RTN4IP1: variants seen among roughly 807,000 people sequenced by gnomAD.
The protein encoded by RTN4IP1 is NAD(P)H oxidoreductase RTN4IP1, mitochondrial.
In RTN4IP1, 32 loss-of-function variants were observed where a neutral mutation model predicts 46.6. The observed-to-expected ratio is 0.69, with a 90% CI of 0.52 to 0.92. The LOEUF is 0.92. RTN4IP1 is among the 40% of genes least tolerant of loss of function. The pLI, the probability that RTN4IP1 is intolerant of heterozygous loss-of-function variation, is 0.00. For synonymous variants in RTN4IP1, 167 were observed against 161.8 expected (o/e 1.03, Z -0.24); for missense variants, 424 against 485.8 (o/e 0.87, Z 1.20).
At chr6:106,597,383 T>C (rs1775822211) in intron 5 of RTN4IP1, among the ~76,000 whole-genome samples, 1 of 152,322 alleles carries the variant, frequency 6.6e-6, no homozygotes, top group Admixed American at 6.5e-5. Context: ...GGTCTCACTC[T>C]GTCCAGGCTG....
At position 106,582,787 on chromosome 6, in the gene RTN4IP1, T is replaced by C. The variant is rs1013096480; in HGVS notation, c.1083+541A>G. The stretch of plus-strand genomic sequence containing the variant: ...CATCCAAAAAACGATGACCAGATGA[T>C]AAGCAACAGCCCCTTTCCCACAGAG... On this transcript the variant is annotated intron_variant, in intron 8 of 8. Transcript: ENST00000369063. Among the ~76,000 whole-genome samples, 3 of 152,076 alleles carry C rather than the reference T, an allele frequency of 2.0e-5. No homozygotes were observed. The South Asian group carries it at 6.2e-4, about 32-fold the overall frequency.
intron 8 of RTN4IP1, among the ~76,000 whole-genome samples, chr6:106,576,216 G>A (rs1487203257): frequency 6.6e-6 from 1 of 152,180 alleles, no homozygotes; most frequent in Admixed American, 6.5e-5. Context: ...TGCCCCAGAT[G>A]GCAAACTCAA....
chr6:106,586,031 TAAAG>T (rs1447597465), intron 7 of RTN4IP1, among the ~76,000 whole-genome samples: 1 of 152,112 alleles, frequency 6.6e-6, no homozygotes, highest in Non-Finnish European at 1.5e-5. Flanking sequence ...CAAATGAAAA[TAAAG>T]AACACCACAG....
intron 7 of RTN4IP1, among the ~76,000 whole-genome samples, chr6:106,585,728 T>A (rs922724837): frequency 6.6e-6 from 1 of 152,120 alleles, no homozygotes; most frequent in Non-Finnish European, 1.5e-5. Flanking sequence ...CAGAAAGACA[T>A]TGAAAACTAC....
chr6:106,626,327 G>A (rs1050961324), intron 1 of RTN4IP1, among the ~76,000 whole-genome samples: 6 of 151,894 alleles, frequency 4.0e-5, no homozygotes, highest in Non-Finnish European at 8.8e-5. Flanking sequence ...CATCTGGGGA[G>A]TCAGGATTAT....
chr6:106,597,045 G>A (rs909445560), intron 5 of RTN4IP1, among the ~76,000 whole-genome samples: 2 of 151,992 alleles, frequency 1.3e-5, no homozygotes, highest in African/African-American at 2.4e-5. Context: ...GATTTCCAAA[G>A]GATCTTATTT....
At chr6:106,606,981 C>T (rs925370341) in intron 4 of RTN4IP1, among the ~76,000 whole-genome samples, 3 of 152,106 alleles carry the variant, frequency 2.0e-5, no homozygotes, top group African/African-American at 7.2e-5. Flanking sequence ...GGAGGCATCA[C>T]CCTACCTGAC....
chr6:106,624,966 A>C (rs1776600465), intron 1 of RTN4IP1, among the ~76,000 whole-genome samples: 1 of 151,572 alleles, frequency 6.6e-6, no homozygotes, highest in South Asian at 2.1e-4. Flanking sequence ...AAGAAAAAGA[A>C]AAAGAAAAAG....
intron 4 of RTN4IP1, among the ~76,000 whole-genome samples, chr6:106,612,680 A>C (rs11153016): frequency 2.9e-4 from 1 of 3,458 alleles, no homozygotes; most frequent in Non-Finnish European, 3.6e-3. Flanking sequence ...GACTCATTCC[A>C]ATCACCTGCT....
chr6:106,574,166 C>T (rs1775159865), intron 8 of RTN4IP1, among the ~76,000 whole-genome samples: 1 of 152,150 alleles, frequency 6.6e-6, no homozygotes, highest in Non-Finnish European at 1.5e-5. Context: ...GTTTCTCGGC[C>T]CAGTGCAGTG....
At chr6:106,596,667 A>C (rs9689006) in intron 5 of RTN4IP1, among the ~76,000 whole-genome samples, 21,862 of 152,108 alleles carry the variant, frequency 0.14, 1,817 homozygotes, top group African/African-American at 0.21. Flanking sequence ...GCCCTCATTT[A>C]GTTTTGTTCT....
intron 5 of RTN4IP1, among the ~76,000 whole-genome samples, chr6:106,599,806 T>A (rs1327924181): frequency 6.6e-6 from 1 of 151,776 alleles, no homozygotes; most frequent in Non-Finnish European, 1.5e-5. Context: ...CTATAGGTTA[T>A]AATCCTAAAA....
intron 4 of RTN4IP1, among the ~76,000 whole-genome samples, chr6:106,618,923 T>C (rs1776414398): frequency 6.6e-6 from 1 of 152,184 alleles, no homozygotes; most frequent in Non-Finnish European, 1.5e-5. Flanking sequence ...TCACATATAA[T>C]ATTTTGCATT....
chr6:106,572,663 A>G (rs1775101388), intron 8 of RTN4IP1, among the ~76,000 whole-genome samples: 1 of 152,222 alleles, frequency 6.6e-6, no homozygotes, highest in Non-Finnish European at 1.5e-5. Context: ...GTTACAGCTG[A>G]GTACACATCT....
intron 8 of RTN4IP1, 36 bp from the exon 9 acceptor site, chr6:106,572,139 A>C: frequency 6.7e-7 from 1 of 1,499,894 alleles, no homozygotes; most frequent in Non-Finnish European, 9.3e-7. Flanking sequence ...TGGATAAAAA[A>C]GCCTACATCT....
chr6:106,594,925 C>A (rs920848186), intron 5 of RTN4IP1, among the ~76,000 whole-genome samples: 1 of 152,082 alleles, frequency 6.6e-6, no homozygotes, highest in Non-Finnish European at 1.5e-5. Context: ...CCTCAGCCTC[C>A]CGAGTAGCTG....
intron 4 of RTN4IP1, among the ~76,000 whole-genome samples, chr6:106,608,094 A>G (rs1032584362): frequency 3.9e-5 from 6 of 152,248 alleles, no homozygotes; most frequent in Non-Finnish European, 7.3e-5. Context: ...GTCCATTAAC[A>G]GATAAACAGG....
At chr6:106,622,657 C>G (rs950227334) in intron 2 of RTN4IP1, among the ~76,000 whole-genome samples, 161 bp downstream of exon 2, 1 of 152,192 alleles carries the variant, frequency 6.6e-6, no homozygotes, top group Non-Finnish European at 1.5e-5. Flanking sequence ...TAAATGCAAA[C>G]TTTGTCAGTT....
intron 7 of RTN4IP1, among the ~76,000 whole-genome samples, chr6:106,587,468 T>C (rs1055609250): frequency 5.9e-5 from 9 of 152,174 alleles, no homozygotes; most frequent in African/African-American, 1.2e-4. Context: ...GGGGAAGACA[T>C]TGGGGCTTAG....
Sources: gnomAD v4.1 joint callset for allele counts (sites outside exome capture counted in the v4.1 genomes callset) on GRCh38, gnomAD v4.1.1 for gene constraint, MANE v1.5 for transcripts, NCBI Gene and HGNC (gene_info 2026-07-23, HGNC 2026-07-21) for gene names.